The following THOC7 variants were observed in gnomAD, a reference collection of about 807,000 sequenced individuals.
THOC7 encodes the protein THO complex subunit 7, also known as NIF3L1-binding protein 1.
In THOC7, 22 loss-of-function variants were observed where a neutral mutation model predicts 33.1. The ratio of observed to expected loss-of-function variants is 0.66; its 90% CI spans 0.47 to 0.95. The LOEUF is 0.95. THOC7 is among the 40% of genes least tolerant of loss of function. The pLI, the probability that THOC7 is intolerant of heterozygous loss-of-function variation, is 0.00. For synonymous variants in THOC7, 77 were observed against 76.8 expected (o/e 1.00, Z -0.01); for missense variants, 184 against 245.3 (o/e 0.75, Z 1.67).
At chr3:63,836,163 T>A in intron 5 of THOC7, 138 bp downstream of exon 5, 1 of 705,864 alleles carries the variant, frequency 1.4e-6, no homozygotes, top group Non-Finnish European at 2.2e-6. Context: ...AACAGAGAAG[T>A]ATGGGAAAAT....
intron 1 of THOC7, among the ~76,000 whole-genome samples, chr3:63,858,163 T>C (rs1161590124): frequency 8.5e-5 from 13 of 152,230 alleles, no homozygotes; most frequent in Non-Finnish European, 5.9e-5. Flanking sequence ...ATTTGTTTCT[T>C]TTCACTCTGA....
chr3:63,861,122 A>G (rs1262082619), intron 1 of THOC7: 1 of 152,178 alleles, frequency 6.6e-6, no homozygotes, highest in Non-Finnish European at 1.5e-5. Flanking sequence ...TTTGTGTTTA[A>G]TCCTCAAAAC....
At chr3:63,863,891 T>G (rs575322665), upstream of THOC7, 1 of 1,134,288 alleles carries the variant, frequency 8.8e-7, no homozygotes, top group East Asian at 4.3e-5. Flanking sequence ...TAAACAGCCA[T>G]GGAGGAGGAG....
intron 1 of THOC7, among the ~76,000 whole-genome samples, chr3:63,859,656 G>A (rs1702170406): frequency 5.3e-5 from 8 of 152,158 alleles, no homozygotes; most frequent in Admixed American, 5.2e-4. Context: ...TTATTTGATT[G>A]CACACTATGG....
intron 1 of THOC7, among the ~76,000 whole-genome samples, chr3:63,846,832 A>G (rs1191978879): frequency 6.6e-6 from 1 of 152,194 alleles, no homozygotes; most frequent in Non-Finnish European, 1.5e-5. Flanking sequence ...GAATTCTATC[A>G]AGTACCCAAC....
At chr3:63,848,609 T>G (rs1701954216) in intron 1 of THOC7, 1 of 152,192 alleles carries the variant, frequency 6.6e-6, no homozygotes, top group Admixed American at 6.5e-5. Flanking sequence ...TCTTTAACCT[T>G]GGCAAAATAA....
At chr3:63,838,593 T>A in intron 2 of THOC7, 94 bp from the exon 3 acceptor site, 1 of 1,233,842 alleles carries the variant, frequency 8.1e-7, no homozygotes, top group Non-Finnish European at 1.1e-6. Flanking sequence ...AATTAAATTA[T>A]AGCAAGTTCT....
chr3:63,853,262 C>T (rs1394129905), intron 1 of THOC7, among the ~76,000 whole-genome samples: 1 of 151,892 alleles, frequency 6.6e-6, no homozygotes, highest in Non-Finnish European at 1.5e-5. Flanking sequence ...ATTGGGGTGG[C>T]ACAAGTAGGA....
intron 7 of THOC7, among the ~76,000 whole-genome samples, chr3:63,834,878 A>G (rs982313135): frequency 6.6e-6 from 1 of 152,192 alleles, no homozygotes; most frequent in African/African-American, 2.4e-5. Context: ...ATAGTAGTCA[A>G]CTACAGTGAA....
chr3:63,850,801 G>C (rs1702005632), intron 1 of THOC7, among the ~76,000 whole-genome samples: 1 of 151,762 alleles, frequency 6.6e-6, no homozygotes, highest in Non-Finnish European at 1.5e-5. Flanking sequence ...GGTTAGGCTG[G>C]TCTCAAAAAC....
chr3:63,857,429 CAAG>C (rs1460986578), intron 1 of THOC7, among the ~76,000 whole-genome samples: 3 of 152,022 alleles, frequency 2.0e-5, no homozygotes, highest in Non-Finnish European at 4.4e-5. Flanking sequence ...TTTAAATGAA[CAAG>C]AAGAGAGACT....
Position 63,853,157 on chromosome 3 carries a change from GAAAAAAAAA to G in THOC7, c.19+10606_19+10614del, listed in dbSNP as rs1195911287. Reference sequence around the variant, plus strand: ...CAGAATGAGACTCTGTCTCAAAAAAGAAAAAAAAAAAAAAAAAAAGAATCACAGGTCCTA... The same window carrying G: ...CAGAATGAGACTCTGTCTCAAAAAAGAAAAAAAAAAGAATCACAGGTCCTA... On this transcript the variant is annotated intron_variant, in intron 1 of 7. Transcript: ENST00000295899. Among the ~76,000 whole-genome samples, 9 of 73,556 alleles carry G rather than the reference GAAAAAAAAA, an allele frequency of 1.2e-4. No individual in the cohort carries two copies. The South Asian group carries it at 4.4e-3, about 36-fold the overall frequency. 48.3% of individuals were successfully genotyped at this position (73,556 alleles called of 152,430 possible).
chr3:63,855,004 T>C (rs1181720533), intron 1 of THOC7, among the ~76,000 whole-genome samples: 1 of 146,118 alleles, frequency 6.8e-6, no homozygotes, highest in Admixed American at 6.9e-5. Flanking sequence ...CGAGACTCCG[T>C]CTCAAAAAAA....
intron 2 of THOC7, 81 bp from the exon 3 acceptor site, chr3:63,838,580 G>T: frequency 1.5e-6 from 2 of 1,350,146 alleles, no homozygotes; most frequent in South Asian, 1.5e-5. Flanking sequence ...ACAAATATTT[G>T]CTAATTAAAT....
chr3:63,863,497 G>A (rs1378887335), intron 1 of THOC7: 4 of 1,179,136 alleles, frequency 3.4e-6, no homozygotes, highest in Non-Finnish European at 4.2e-6. Flanking sequence ...CCACGCTCCC[G>A]GCACACCCTA....
chr3:63,843,735 C>T (rs1701822596), intron 1 of THOC7, among the ~76,000 whole-genome samples: 1 of 152,000 alleles, frequency 6.6e-6, no homozygotes, highest in African/African-American at 2.4e-5. Flanking sequence ...TCTGTCTCCA[C>T]TAAAAATACA....
chr3:63,864,462 G>A (rs367778000), upstream of THOC7: 1 of 152,120 alleles, frequency 6.6e-6, no homozygotes, highest in African/African-American at 2.4e-5. Context: ...ACTTGCGCGG[G>A]GCGCGGCCGG....
At chr3:63,846,472 A>G (rs1701899123) in intron 1 of THOC7, among the ~76,000 whole-genome samples, 2 of 152,096 alleles carry the variant, frequency 1.3e-5, no homozygotes, top group Admixed American at 6.6e-5. Flanking sequence ...CAAGGGCGCA[A>G]TCTTGGCTCA....
At chr3:63,842,062 A>G (rs1701772305) in intron 1 of THOC7, among the ~76,000 whole-genome samples, 1 of 152,198 alleles carries the variant, frequency 6.6e-6, no homozygotes, top group Admixed American at 6.5e-5. Context: ...TGAGAGGAAA[A>G]AATATTAATA....
Sources: allele counts gnomAD v4.1 joint callset (sites outside exome capture counted in the v4.1 genomes callset), GRCh38; gene constraint gnomAD v4.1.1; transcripts MANE v1.5; gene names NCBI Gene and HGNC (gene_info 2026-07-23, HGNC 2026-07-21).